The following EPHB2 variants were observed in gnomAD, a reference collection of about 807,000 sequenced individuals.
EPHB2 encodes the protein ephrin type-B receptor 2.
A neutral mutation model predicts 96.4 loss-of-function variants in EPHB2; 18 were observed. The ratio of observed to expected loss-of-function variants is 0.19; its 90% CI spans 0.13 to 0.28. The LOEUF is 0.28. EPHB2 is among the 10% of genes least tolerant of loss of function. EPHB2 has a pLI of 1.00. For synonymous variants in EPHB2, 506 were observed against 534.1 expected (o/e 0.95, Z 0.72); for missense variants, 989 against 1,355.4 (o/e 0.73, Z 4.25).
chr1:22,784,589 G>C lies in EPHB2; in HGVS notation c.324G>C (p.Lys108Asn), dbSNP rs757962602. 6.2e-7 allele frequency: 1 copy of C among 1,614,176 alleles called. No homozygotes were observed. Among genetic ancestry groups the C allele is most frequent in the Non-Finnish European group, 8.5e-7 (1 of 1,180,040 alleles). Residue 108 changes from lysine to asparagine, a missense_variant, in exon 3 of 16, where the codon AAG becomes AAC. Physicochemically the swap from Lys to Asn is moderately conservative, Grantham distance 94 (BLOSUM62 0). Coordinates refer to ENST00000374630, the MANE Select transcript of EPHB2 (RefSeq NM_017449.5). This position sits in a 1 kb window ranked among gnomAD's most constrained non-coding sequence, Gnocchi z 5.1. ...TCCCCAGCGTGCCTGGCTCCTGCAA[G>C]GAGACCTTCAACCTCTATTACTATG... ...SSIPSVPGSC[K>N]ETFNLYYYEA...
chr1:22,852,251 A>G (rs1645634520), intron 3 of EPHB2, among the ~76,000 whole-genome samples: 1 of 152,168 alleles, frequency 6.6e-6, no homozygotes, highest in Non-Finnish European at 1.5e-5. Context: ...GTGGCCCCAG[A>G]TTCCCAGAAG....
At chr1:22,882,321 ATGCCTCCCTGATCCC>A in intron 5 of EPHB2, 23 bp from the exon 6 acceptor site, 1 of 1,611,020 alleles carries the variant, frequency 6.2e-7, no homozygotes, top group Non-Finnish European at 8.5e-7. Context: ...GCACCTTCTC[ATGCCTCCCTGATCCC>A]TGACCTCTGG....
At chr1:22,785,788 T>C (rs1644602638) in intron 3 of EPHB2, among the ~76,000 whole-genome samples, 1 of 152,260 alleles carries the variant, frequency 6.6e-6, no homozygotes, top group African/African-American at 2.4e-5. Flanking sequence ...AATTTTACTG[T>C]GAGCCAGGCC....
In EPHB2 at chr1:22,856,607, G is replaced by A. The variant is rs560738822; in HGVS notation, c.812-6430G>A. ...TTGGACACAAGCTGTTCTGGATCACGAAGATCTGAGGTCAACCCCAGCTGT... is the reference window on the plus strand; with the variant it reads ...TTGGACACAAGCTGTTCTGGATCACAAAGATCTGAGGTCAACCCCAGCTGT... On this transcript the variant is annotated intron_variant, in intron 3 of 15. Coordinates refer to ENST00000374630, the MANE Select transcript of EPHB2 (RefSeq NM_017449.5). 5.9e-5 allele frequency among the ~76,000 whole-genome samples: 9 copies of A among 152,266 alleles called. No individual in the cohort carries two copies. In the South Asian group the frequency reaches 1.0e-3, roughly 18 times the overall value.
chr1:22,898,617 AG>A (rs949920768), intron 9 of EPHB2, among the ~76,000 whole-genome samples: 1 of 152,204 alleles, frequency 6.6e-6, no homozygotes, highest in Non-Finnish European at 1.5e-5. Flanking sequence ...ACATGCTCCA[AG>A]TTACGGCCTT....
rs141626076 is a variant in EPHB2, at chr1:22,865,015, G to T, written c.1106G>T (p.Arg369Leu). The T allele has an allele frequency of 6.2e-7, 1 of 1,612,010 alleles. No individual in the cohort carries two copies. Among genetic ancestry groups the T allele is most frequent in the Non-Finnish European group, 8.5e-7 (1 of 1,178,382 alleles). Residue 369 changes from arginine to leucine, a missense_variant, in exon 5 of 16, where the codon CGG becomes CTG. Physicochemically the swap from Arg to Leu is moderately radical, Grantham distance 102. Transcript: ENST00000374630. ...NIICKSCGSG[R>L]GACTRCGDNV... ...ATCTGCAAGAGCTGTGGCTCGGGCC[G>T]GGGTGCCTGCACCCGCTGCGGGGAC... is the stretch of plus-strand genomic sequence containing the variant.
chr1:22,755,244 G>A (rs4655098), intron 1 of EPHB2, among the ~76,000 whole-genome samples: 140,971 of 152,208 alleles, frequency 0.93, 66,243 homozygotes, highest in East Asian at 1. Flanking sequence ...ACTGAGGTCC[G>A]GAGCCAGGAA....
Position 22,781,281 on chromosome 1 carries a change from C to T in EPHB2, c.62-140C>T, listed in dbSNP as rs1266619896. The stretch of plus-strand genomic sequence containing the variant: ...CTTGCAGTGAGCCGAGATCACACCA[C>T]TGCACTCCAGCCTGGGCGACAGAGC... On this transcript the variant is annotated intron_variant, in intron 1 of 15. Transcript: ENST00000374630. 85 of 794,800 alleles carry T rather than the reference C, an allele frequency of 1.1e-4. No homozygotes were observed. In the South Asian group the frequency reaches 1.3e-3, roughly 12 times the overall value. The allele number at this position is 794,800 out of a possible 1,614,324, so 49.2% of individuals were successfully genotyped here. A position where few individuals can be genotyped will look rare whatever the true frequency, so the allele number is the denominator to read the frequency against.
chr1:22,723,860 C>T (rs2148342865), intron 1 of EPHB2, among the ~76,000 whole-genome samples: 1 of 152,278 alleles, frequency 6.6e-6, no homozygotes, highest in Non-Finnish European at 1.5e-5. Flanking sequence ...CACTCAAAGG[C>T]AATAATAATA....
At chr1:22,881,719 T>C (rs142486945) in intron 5 of EPHB2, among the ~76,000 whole-genome samples, 5,762 of 152,212 alleles carry the variant, frequency 0.038, 394 homozygotes, top group African/African-American at 0.13. Flanking sequence ...CTCAGCCTCC[T>C]GAGTGCTGGG....
intron 5 of EPHB2, among the ~76,000 whole-genome samples, chr1:22,871,116 GT>G (rs1638650628): frequency 6.6e-6 from 1 of 152,238 alleles, no homozygotes; most frequent in African/African-American, 2.4e-5. Context: ...GGTAGGTCCT[GT>G]TGTCATCCTG....
chr1:22,895,334 T>C, intron 7 of EPHB2, 138 bp from the exon 8 acceptor site: 1 of 766,496 alleles, frequency 1.3e-6, no homozygotes, highest in Non-Finnish European at 2.3e-6. Context: ...TGCATGGGCA[T>C]GTAACAGGTG....
chr1:22,750,320 A>T (rs1293869791), intron 1 of EPHB2, among the ~76,000 whole-genome samples: 2 of 152,148 alleles, frequency 1.3e-5, no homozygotes, highest in Admixed American at 6.5e-5. Context: ...AGCAGGAGAG[A>T]TGGGCTGGGA....
At chr1:22,818,147 C>A (rs1320555678) in intron 3 of EPHB2, among the ~76,000 whole-genome samples, 1 of 152,110 alleles carries the variant, frequency 6.6e-6, no homozygotes, top group East Asian at 1.9e-4. Context: ...CACCCTCTGC[C>A]AGACCACGTG....
In EPHB2 at chr1:22,906,206, C is replaced by T. The variant is rs976208930; in HGVS notation, c.1888+97C>T. 9 of 1,581,792 alleles carry T rather than the reference C, an allele frequency of 5.7e-6. No homozygotes were observed. Among genetic ancestry groups the T allele is most frequent in the Non-Finnish European group, 7.7e-6 (9 of 1,161,388 alleles). ...TTGGGGCAGAAGGTAGGATGTGGGA[C>T]AGGCGCCTCAAAGGACCCCCCAAGG... On this transcript the variant is annotated intron_variant, in intron 10 of 15. Coordinates refer to ENST00000374630, the MANE Select transcript of EPHB2 (RefSeq NM_017449.5). The surrounding 1 kb of genome is among the most constrained non-coding windows in gnomAD (Gnocchi z 4.8).
At chr1:22,897,128 G>A (rs548782445) in intron 9 of EPHB2, among the ~76,000 whole-genome samples, 157 of 152,008 alleles carry the variant, frequency 1.0e-3, no homozygotes, top group Admixed American at 1.9e-3. Flanking sequence ...TTCTCCCACC[G>A]TCCCATCCTA....
intron 1 of EPHB2, among the ~76,000 whole-genome samples, chr1:22,767,098 G>A (rs973100772): frequency 6.6e-6 from 1 of 152,214 alleles, no homozygotes; most frequent in Non-Finnish European, 1.5e-5. Flanking sequence ...CAGGGAAGCT[G>A]TCTCCAGGTC....
At chr1:22,854,713 C>T (rs1645674412) in intron 3 of EPHB2, among the ~76,000 whole-genome samples, 1 of 151,740 alleles carries the variant, frequency 6.6e-6, no homozygotes, top group Non-Finnish European at 1.5e-5. Context: ...CTGGGCACAT[C>T]CTAGGCACAC....
chr1:22,713,832 G>A (rs947452135), intron 1 of EPHB2, among the ~76,000 whole-genome samples: 7 of 152,222 alleles, frequency 4.6e-5, no homozygotes, highest in Admixed American at 1.3e-4. Context: ...AGGAGAGTGT[G>A]TGTGTATACG....
Sources: allele counts gnomAD v4.1 joint callset (sites outside exome capture counted in the v4.1 genomes callset), GRCh38; gene constraint gnomAD v4.1.1; non-coding constraint Gnocchi (gnomAD v3.1); transcripts MANE v1.5; gene names NCBI Gene and HGNC (gene_info 2026-07-23, HGNC 2026-07-21).